The following PHC3 variants were observed in gnomAD, a reference collection of about 807,000 sequenced individuals.
PHC3 encodes the protein polyhomeotic-like protein 3.
A neutral mutation model predicts 107.4 loss-of-function variants in PHC3; 13 were observed. The observed-to-expected ratio is 0.12, with a 90% CI of 0.08 to 0.19. The LOEUF (loss-of-function observed/expected upper bound fraction) is 0.19, where lower values mean the gene tolerates loss of function less well. Among genes scored for constraint, PHC3 ranks in the 10% least tolerant of loss-of-function variants. The pLI, the probability that PHC3 is intolerant of heterozygous loss-of-function variation, is 1.00. For missense variants in PHC3, 992 were observed against 1,210.9 expected, an observed-to-expected ratio of 0.82 and a Z score of 2.68; for synonymous variants, 456 against 427.4, an observed-to-expected ratio of 1.07 and a Z score of -0.83.
At chr3:170,124,759 A>G (rs1191047868) in intron 8 of PHC3, among the ~76,000 whole-genome samples, 1 of 152,252 alleles carries the variant, frequency 6.6e-6, no homozygotes, top group Admixed American at 6.5e-5. Context: ...CTATTTTAAA[A>G]GTCTGATGTT....
intron 4 of PHC3, among the ~76,000 whole-genome samples, chr3:170,162,887 C>A (rs553577737): frequency 6.6e-6 from 1 of 152,204 alleles, no homozygotes; most frequent in Admixed American, 6.5e-5. Flanking sequence ...CTGTGCATGT[C>A]TGCCCTCCTC....
chr3:170,128,476 C>G, intron 8 of PHC3: 1 of 1,159,918 alleles, frequency 8.6e-7, no homozygotes, highest in Non-Finnish European at 1.2e-6. Context: ...ATTACCATCA[C>G]AAATTATAAA....
intron 7 of PHC3, chr3:170,136,192 C>G (rs1723043670): frequency 4.2e-6 from 2 of 475,174 alleles, no homozygotes; most frequent in African/African-American, 4.1e-5. Context: ...AGATGATAAT[C>G]AAATGTAATT....
chr3:170,139,647 T>C (rs1723708143), intron 6 of PHC3, among the ~76,000 whole-genome samples: 1 of 152,236 alleles, frequency 6.6e-6, no homozygotes, highest in Admixed American at 6.5e-5. Flanking sequence ...CTATGTTGTA[T>C]ATATATTATT....
At chr3:170,111,429 GAGAA>G (rs964250753) in intron 11 of PHC3, among the ~76,000 whole-genome samples, 14 of 150,552 alleles carry the variant, frequency 9.3e-5, no homozygotes, top group Admixed American at 3.3e-4. Flanking sequence ...AAGAAGGAAG[GAGAA>G]AGAAAGGAAA....
At chr3:170,110,490 C>G (rs1468854892) in intron 11 of PHC3, among the ~76,000 whole-genome samples, 1 of 152,148 alleles carries the variant, frequency 6.6e-6, no homozygotes, top group Non-Finnish European at 1.5e-5. Flanking sequence ...CCACGACCCA[C>G]TTCAAATCTC....
chr3:170,098,683 CTG>C lies in PHC3; in HGVS notation c.2834-1301_2834-1300del, dbSNP rs879247578. ...TACAAACATTTTTTCCTGTGTACAGCTGTGTGTCCATTTTTTCTCTTGCTTAT... is the reference window on the plus strand; with the variant it reads ...TACAAACATTTTTTCCTGTGTACAGCTGTGTCCATTTTTTCTCTTGCTTAT... On this transcript the variant is annotated intron_variant, in intron 14 of 14. Transcript: ENST00000495893. 5.7e-4 allele frequency among the ~76,000 whole-genome samples: 87 copies of C among 151,814 alleles called. 1 individual carries two copies. The highest frequency in any genetic ancestry group is 3.9e-3 in the Admixed American group (60 of 15,262).
intron 4 of PHC3, among the ~76,000 whole-genome samples, chr3:170,160,727 C>T (rs547736673): frequency 2.0e-5 from 3 of 152,060 alleles, no homozygotes; most frequent in Admixed American, 6.6e-5. Context: ...ATAGTGAAAC[C>T]CTGTCTCTAC....
At chr3:170,128,516 A>ATTT in intron 8 of PHC3, 168 bp downstream of exon 8, 7 of 922,802 alleles carry the variant, frequency 7.6e-6, no homozygotes, top group Non-Finnish European at 1.1e-5. Context: ...AAACAATGGC[A>ATTT]TTTTTTTTTT....
At chr3:170,098,217 C>A (rs1714899480) in intron 14 of PHC3, among the ~76,000 whole-genome samples, 1 of 151,962 alleles carries the variant, frequency 6.6e-6, no homozygotes, top group Admixed American at 6.6e-5. Context: ...AATAAACTTA[C>A]CCATTAAGGG....
At chr3:170,110,675 C>T (rs1373232079) in intron 11 of PHC3, among the ~76,000 whole-genome samples, 1 of 152,034 alleles carries the variant, frequency 6.6e-6, no homozygotes, top group Non-Finnish European at 1.5e-5. Context: ...GGAGGGAAAG[C>T]GGATTGTATT....
At chr3:170,101,176 C>T (rs925712849) in intron 14 of PHC3, among the ~76,000 whole-genome samples, 2 of 152,166 alleles carry the variant, frequency 1.3e-5, no homozygotes, top group Non-Finnish European at 2.9e-5. Context: ...TTTTCGTGGG[C>T]ACATGCACAT....
rs1304042015 is a variant in PHC3, at chr3:170,094,574, G to T, written c.*2656C>A. 6.6e-6 allele frequency: 1 copy of T among 152,154 alleles called. No individual in the cohort carries two copies. Among genetic ancestry groups the T allele is most frequent in the East Asian group, 1.9e-4 (1 of 5,196 alleles). 9.4% of individuals were successfully genotyped at this position (152,154 alleles called of 1,614,324 possible). ...TGAAACTCTGCTTTAAAGCTCAGGAGAGAGGTGGATGCTCAGTGTTGTCTA... is the reference window on the plus strand; with the variant it reads ...TGAAACTCTGCTTTAAAGCTCAGGATAGAGGTGGATGCTCAGTGTTGTCTA... On this transcript the variant is annotated 3_prime_UTR_variant, in exon 15 of 15. Transcript: ENST00000495893.
chr3:170,128,728 C>T lies in PHC3; in HGVS notation c.1744G>A (p.Val582Ile). 1.2e-6 allele frequency: 2 copies of T among 1,614,030 alleles called. No individual in the cohort carries two copies. The highest frequency in any genetic ancestry group is 1.7e-6 in the Non-Finnish European group (2 of 1,179,892). Residue 582 changes from valine to isoleucine, a missense_variant, in exon 8 of 15, where the codon GTA becomes ATA. Physicochemically the swap from Val to Ile is conservative, Grantham distance 29 (BLOSUM62 3). Transcript: ENST00000495893. Reference sequence around the variant, plus strand: ...GCTGGTGGTTGCACTTGTAGGTTTACCGCAACAGTCTGTGGAGGAGGAAGA... The same window carrying T: ...GCTGGTGGTTGCACTTGTAGGTTTATCGCAACAGTCTGTGGAGGAGGAAGA... ...QTLPPPQTVA[V>I]NLQVQPPAPV...
intron 14 of PHC3, chr3:170,102,099 A>G (rs1715587962): frequency 5.2e-6 from 5 of 958,116 alleles, no homozygotes; most frequent in Middle Eastern, 5.4e-4. Flanking sequence ...AAAAGGTTAA[A>G]TTAGGAAATA....
intron 12 of PHC3, 65 bp downstream of exon 12, chr3:170,106,767 G>T: frequency 9.5e-7 from 1 of 1,053,886 alleles, no homozygotes. Flanking sequence ...CTATTCAAGG[G>T]TTTTTTGGTT....
chr3:170,103,055 G>GT (rs1313396177), intron 12 of PHC3, 121 bp from the exon 13 acceptor site: 3 of 998,838 alleles, frequency 3.0e-6, no homozygotes, highest in Non-Finnish European at 4.4e-6. Flanking sequence ...ATTAATGAAT[G>GT]TAAGACCTCA....
intron 7 of PHC3, 49 bp downstream of exon 7, chr3:170,136,370 G>T: frequency 6.2e-7 from 1 of 1,607,642 alleles, no homozygotes; most frequent in Non-Finnish European, 8.5e-7. Context: ...TGCTCTGTCT[G>T]CTAAGAAAAT....
chr3:170,110,921 AAAG>A (rs1322391779), intron 11 of PHC3, among the ~76,000 whole-genome samples: 28 of 152,312 alleles, frequency 1.8e-4, no homozygotes, highest in Admixed American at 1.8e-3. Context: ...GCCAAGAAAA[AAAG>A]AATACCTGCA....
Sources: allele counts gnomAD v4.1 joint callset (sites outside exome capture counted in the v4.1 genomes callset), GRCh38; gene constraint gnomAD v4.1.1; transcripts MANE v1.5; gene names NCBI Gene and HGNC (gene_info 2026-07-23, HGNC 2026-07-21).